Variants in MILR1 observed in about 807,000 individuals in gnomAD.
The protein encoded by MILR1 is mast cell immunoglobulin like receptor 1, also known as allergin-1.
In MILR1, 31 loss-of-function variants were observed where a neutral mutation model predicts 18.5. That is an observed-to-expected ratio of 1.68 (90% CI 1.26 to 2.26). MILR1 has a LOEUF of 2.26. Among genes scored for constraint, MILR1 ranks in the 30% most tolerant of loss-of-function variants. MILR1 has a pLI of 0.00. For synonymous variants in MILR1, 85 were observed against 56.2 expected, an observed-to-expected ratio of 1.51 and a Z score of -2.30; for missense variants, 257 against 157.4, an observed-to-expected ratio of 1.63 and a Z score of -3.38.
chr17:64,494,271 A>G, the MILR1 span, among the ~76,000 whole-genome samples: 1 of 152,192 alleles, frequency 6.6e-6, no homozygotes, highest in African/African-American at 2.4e-5. Context: ...AATCATTTTT[A>G]GCAAAATACT....
chr17:64,466,352 C>G, intron 6 of MILR1, 90 bp from the exon 7 acceptor site: 1 of 1,078,364 alleles, frequency 9.3e-7, no homozygotes, highest in Non-Finnish European at 1.4e-6. Flanking sequence ...GCCTACATGG[C>G]CACATTCCAG....
At chr17:64,482,987 G>A in the MILR1 span, 1 of 1,598,902 alleles carries the variant, frequency 6.3e-7, no homozygotes, top group South Asian at 1.1e-5. Flanking sequence ...AAACAAGGGT[G>A]AAGTTTAAGT....
the MILR1 span, chr17:64,480,306 C>A: frequency 6.4e-7 from 1 of 1,555,706 alleles, no homozygotes; most frequent in South Asian, 1.1e-5. Flanking sequence ...AAAGTTGTTC[C>A]AATGAGGACT....
chr17:64,477,949 A>G, the MILR1 span: 38 of 1,613,870 alleles, frequency 2.4e-5, no homozygotes, highest in East Asian at 8.5e-4. Context: ...AAGTAGTTTC[A>G]GTAACCAAAA....
chr17:64,454,601 A>G (rs1459856368), intron 3 of MILR1, among the ~76,000 whole-genome samples: 2 of 152,200 alleles, frequency 1.3e-5, no homozygotes, highest in Non-Finnish European at 2.9e-5. Flanking sequence ...TAATAATCCA[A>G]TGATAGCAAT....
At chr17:64,486,378 A>T in the MILR1 span, among the ~76,000 whole-genome samples, 1,706 of 146,558 alleles carry the variant, frequency 0.012, 29 homozygotes, top group Non-Finnish European at 0.019. Flanking sequence ...TTTTTTTAAT[A>T]CAGACAGAGT....
At chr17:64,454,811 T>C (rs1370875376) in intron 3 of MILR1, among the ~76,000 whole-genome samples, 1 of 152,040 alleles carries the variant, frequency 6.6e-6, no homozygotes, top group Admixed American at 6.6e-5. Context: ...CTGGGAACTA[T>C]GTGGAGACTG....
At chr17:64,468,813 G>T (rs886175663), downstream of MILR1, among the ~76,000 whole-genome samples, 2 of 151,940 alleles carry the variant, frequency 1.3e-5, no homozygotes, top group Non-Finnish European at 2.9e-5. Context: ...GGCCGGGCAC[G>T]GTGGCTCACG....
intron 4 of MILR1, among the ~76,000 whole-genome samples, chr17:64,459,092 G>A (rs976993198): frequency 6.6e-6 from 1 of 152,286 alleles, no homozygotes; most frequent in African/African-American, 2.4e-5. Flanking sequence ...ATTCAAACCT[G>A]ACCTTCCAGG....
chr17:64,463,141 T>C (rs1253702773), intron 5 of MILR1, among the ~76,000 whole-genome samples: 1 of 152,142 alleles, frequency 6.6e-6, no homozygotes, highest in Non-Finnish European at 1.5e-5. Context: ...AGAAAACTTG[T>C]CAATGTTATT....
intron 4 of MILR1, among the ~76,000 whole-genome samples, chr17:64,459,372 G>T (rs1481854404): frequency 6.6e-6 from 1 of 152,076 alleles, no homozygotes; most frequent in East Asian, 1.9e-4. Context: ...GGTCGAGGCT[G>T]CAGTGAGCTG....
In MILR1 at chr17:64,452,703, A is replaced by G; in HGVS notation, c.204A>G (p.Ser68=). ...ACAAATCACTGCAGATCACCTATTC[A>G]TTGTTTCGACGTAAGACACACCTGG... ...HKNKSLQITY[S]LFRRKTHLGT... is the part of the protein sequence containing the mutation. Residue 68 remains serine, a synonymous_variant, in exon 3 of 10, where the codon TCA becomes TCG. Transcript: ENST00000619286. 2.1e-6 allele frequency: 1 copy of G among 474,994 alleles called. No homozygotes were observed. The highest frequency in any genetic ancestry group is 3.1e-5 in the East Asian group (1 of 32,038). 29.4% of individuals were successfully genotyped at this position (474,994 alleles called of 1,614,324 possible). A position where few individuals can be genotyped will look rare whatever the true frequency, so the allele number is the denominator to read the frequency against.
chr17:64,479,140 T>C, the MILR1 span, among the ~76,000 whole-genome samples: 1 of 150,480 alleles, frequency 6.6e-6, no homozygotes, highest in African/African-American at 2.4e-5. Context: ...TTAGATGCTC[T>C]AATTATAGAA....
intron 8 of MILR1, 131 bp downstream of exon 8, chr17:64,466,793 C>A: frequency 5.7e-6 from 4 of 697,902 alleles, no homozygotes; most frequent in Non-Finnish European, 9.5e-6. Flanking sequence ...CTGCAAGGAA[C>A]CAATGGCAAC....
intron 5 of MILR1, among the ~76,000 whole-genome samples, chr17:64,464,744 G>A (rs2037511347): frequency 6.6e-6 from 1 of 152,120 alleles, no homozygotes; most frequent in African/African-American, 2.4e-5. Context: ...CTAACATGGT[G>A]AAGCCCCGCC....
downstream of MILR1, among the ~76,000 whole-genome samples, chr17:64,472,465 CAAAAAAAAAAAAAAAA>C (rs71158332): frequency 5.0e-4 from 7 of 13,916 alleles, no homozygotes; most frequent in East Asian, 4.5e-3. Flanking sequence ...GACTCCATCT[CAAAAAAAAAAAAAAAA>C]AAAAAAAAAA....
At chr17:64,497,172 G>C in the MILR1 span, 9 of 646,798 alleles carry the variant, frequency 1.4e-5, no homozygotes, top group African/African-American at 3.6e-5. Context: ...CGCCGGCTCG[G>C]ATGGTTCTCT....
At chr17:64,467,525 C>T (rs762009101) in intron 8 of MILR1, 40 bp from the exon 9 acceptor site, 72 of 1,263,572 alleles carry the variant, frequency 5.7e-5, no homozygotes, top group Non-Finnish European at 4.7e-5. Flanking sequence ...CCTTGCTGGT[C>T]ACATATCCTA....
chr17:64,468,568 C>A lies in MILR1; in HGVS notation c.*287C>A. The A allele has an allele frequency of 4.4e-6, 5 of 1,140,398 alleles. No homozygotes were observed. The highest frequency in any genetic ancestry group is 5.5e-6 in the Non-Finnish European group (5 of 916,004). 70.6% of individuals were successfully genotyped at this position (1,140,398 alleles called of 1,614,324 possible). On this transcript the variant is annotated 3_prime_UTR_variant, in exon 10 of 10. Coordinates refer to ENST00000619286, the MANE Select transcript of MILR1 (RefSeq NM_001085423.2). ...CCTCCCAAAGTGCTGGAACTACAAG[C>A]CTGAGCCACCGTGCCCGGCCCTGAA...
Sources: allele counts gnomAD v4.1 joint callset (sites outside exome capture counted in the v4.1 genomes callset), GRCh38; gene constraint gnomAD v4.1.1; transcripts MANE v1.5; gene names NCBI Gene and HGNC (gene_info 2026-07-23, HGNC 2026-07-21).